Variants in ARHGAP21 observed in about 807,000 individuals in gnomAD.
ARHGAP21 encodes rho GTPase-activating protein 21.
A neutral mutation model predicts 164.6 loss-of-function variants in ARHGAP21; 38 were observed. The ratio of observed to expected loss-of-function variants is 0.23; its 90% CI spans 0.18 to 0.30. The LOEUF is 0.30. Among genes scored for constraint, ARHGAP21 ranks in the 10% least tolerant of loss-of-function variants. The pLI is 1.00. For missense variants in ARHGAP21, 1,822 were observed against 2,370.7 expected (o/e 0.77, Z 4.81); for synonymous variants, 766 against 857.9 (o/e 0.89, Z 1.87).
chr10:24,681,875 A>C (rs1205502859), intron 2 of ARHGAP21, among the ~76,000 whole-genome samples: 1 of 152,012 alleles, frequency 6.6e-6, no homozygotes, highest in East Asian at 1.9e-4. Flanking sequence ...TTTCTTTTGT[A>C]ACACTGGAAG....
intron 2 of ARHGAP21, among the ~76,000 whole-genome samples, chr10:24,683,095 C>CA (rs200968718): frequency 0.036 from 3,198 of 88,640 alleles, 75 homozygotes; most frequent in Non-Finnish European, 0.056. Context: ...AACTCCATCT[C>CA]AAAAAAAAAA....
intron 12 of ARHGAP21, among the ~76,000 whole-genome samples, chr10:24,603,195 G>A (rs1210924748): frequency 6.6e-6 from 1 of 152,196 alleles, no homozygotes; most frequent in Non-Finnish European, 1.5e-5. Context: ...ATCAGGTGGA[G>A]CAAAAGAGCC....
intron 8 of ARHGAP21, 70 bp downstream of exon 8, chr10:24,622,663 A>G: frequency 6.7e-7 from 1 of 1,498,240 alleles, no homozygotes; most frequent in Non-Finnish European, 9.1e-7. Flanking sequence ...TTTTTAATAG[A>G]TTGGCTTATT....
chr10:24,700,223 A>G (rs1049089850), intron 2 of ARHGAP21, among the ~76,000 whole-genome samples: 29 of 152,184 alleles, frequency 1.9e-4, no homozygotes, highest in African/African-American at 6.8e-4. Context: ...TGCACATATT[A>G]GTGTCTCTGC....
chr10:24,717,787 T>G (rs1845533006), intron 2 of ARHGAP21, among the ~76,000 whole-genome samples: 1 of 152,154 alleles, frequency 6.6e-6, no homozygotes, highest in Admixed American at 6.5e-5. Context: ...TGGAGTACAG[T>G]GGCGCGATTT....
intron 4 of ARHGAP21, among the ~76,000 whole-genome samples, chr10:24,663,826 A>G (rs1839927815): frequency 6.6e-6 from 1 of 152,076 alleles, no homozygotes. Context: ...ACTGTGCCCA[A>G]CCCAGATAAT....
intron 2 of ARHGAP21, among the ~76,000 whole-genome samples, chr10:24,709,839 C>A (rs1255626669): frequency 6.6e-6 from 1 of 152,012 alleles, no homozygotes; most frequent in African/African-American, 2.4e-5. Flanking sequence ...ACACAGAAGT[C>A]CTCAACAAAA....
chr10:24,596,466 T>A (rs899974026), intron 17 of ARHGAP21: 1 of 539,102 alleles, frequency 1.9e-6, no homozygotes, highest in Non-Finnish European at 3.2e-6. Flanking sequence ...ATCCTTGTTT[T>A]AAAATGCTAA....
chr10:24,647,572 G>A (rs1366606143), intron 4 of ARHGAP21, among the ~76,000 whole-genome samples: 1 of 152,180 alleles, frequency 6.6e-6, no homozygotes, highest in African/African-American at 2.4e-5. Flanking sequence ...AGCTTTGAGA[G>A]CAGTCATTTT....
intron 4 of ARHGAP21, among the ~76,000 whole-genome samples, chr10:24,647,549 T>A (rs990280147): frequency 2.0e-5 from 3 of 152,214 alleles, no homozygotes; most frequent in African/African-American, 7.2e-5. Context: ...GATACTAACA[T>A]AGTAAATTTT....
At chr10:24,692,114 T>A (rs1002833113) in intron 2 of ARHGAP21, among the ~76,000 whole-genome samples, 4 of 152,188 alleles carry the variant, frequency 2.6e-5, no homozygotes, top group African/African-American at 9.7e-5. Flanking sequence ...CTTGATGATG[T>A]TGGTATTGTT....
chr10:24,647,944 T>A (rs1428798131), intron 4 of ARHGAP21, among the ~76,000 whole-genome samples: 1 of 152,156 alleles, frequency 6.6e-6, no homozygotes, highest in African/African-American at 2.4e-5. Flanking sequence ...TTCAAGTGAT[T>A]CTCCTGCCTC....
rs1463575774 is a variant in ARHGAP21 at position 24,622,925 on chromosome 10, C to A, written c.496-163G>T. ...GGGCAGTGAAGCATAAAGAATAACT[C>A]CAGTATTCTTCTGAACATCTTTTTC... On this transcript the variant is annotated intron_variant, in intron 7 of 25. Coordinates refer to ENST00000396432, the MANE Select transcript of ARHGAP21 (RefSeq NM_020824.4). 135 of 580,200 alleles carry A rather than the reference C, an allele frequency of 2.3e-4. 2 individuals are homozygous for A. In the East Asian group the frequency reaches 4.1e-3, roughly 18 times the overall value. The allele number at this position is 580,200 out of a possible 1,614,324, so 35.9% of individuals were successfully genotyped here.
At chr10:24,603,586 G>T (rs559140454) in intron 12 of ARHGAP21, among the ~76,000 whole-genome samples, 1 of 152,180 alleles carries the variant, frequency 6.6e-6, no homozygotes, top group South Asian at 2.1e-4. Context: ...GAAGGGCACC[G>T]AGGAAGTGAG....
chr10:24,723,432 C>G (rs1446147341), intron 1 of ARHGAP21, 130 bp downstream of exon 1: 1 of 147,066 alleles, frequency 6.8e-6, no homozygotes, highest in Non-Finnish European at 1.5e-5. Flanking sequence ...GGGCTCCCTC[C>G]GGCCCCGAGC....
At chr10:24,607,685 C>A in intron 10 of ARHGAP21, 60 bp downstream of exon 10, 1 of 1,610,418 alleles carries the variant, frequency 6.2e-7, no homozygotes. Context: ...GTTTATCATA[C>A]TATTCTAAGT....
chr10:24,594,300 T>C (rs938192053), intron 21 of ARHGAP21, among the ~76,000 whole-genome samples: 4 of 152,162 alleles, frequency 2.6e-5, no homozygotes, highest in Admixed American at 6.6e-5. Flanking sequence ...TAGACCTTGT[T>C]TGGATATTGA....
At chr10:24,639,198 G>C (rs1412602942) in intron 4 of ARHGAP21, among the ~76,000 whole-genome samples, 1 of 152,036 alleles carries the variant, frequency 6.6e-6, no homozygotes, top group Non-Finnish European at 1.5e-5. Context: ...ATCAGATTTT[G>C]CAATATTTGA....
At chr10:24,652,219 C>T (rs1339386935) in intron 4 of ARHGAP21, among the ~76,000 whole-genome samples, 1 of 152,184 alleles carries the variant, frequency 6.6e-6, no homozygotes, top group Non-Finnish European at 1.5e-5. Flanking sequence ...AATTTATGAT[C>T]AAGGTGGTAT....
Sources: gnomAD v4.1 joint callset for allele counts (sites outside exome capture counted in the v4.1 genomes callset) on GRCh38, gnomAD v4.1.1 for gene constraint, MANE v1.5 for transcripts, NCBI Gene and HGNC (gene_info 2026-07-23, HGNC 2026-07-21) for gene names.